Variants in XKR6 observed in about 807,000 individuals in gnomAD.
XKR6 encodes XK-related protein 6.
A neutral mutation model predicts 56.7 loss-of-function variants in XKR6; 22 were observed. That is an observed-to-expected ratio of 0.39 (90% CI 0.28 to 0.55). The LOEUF is 0.55. Among genes scored for constraint, XKR6 ranks in the 20% least tolerant of loss-of-function variants. The pLI, the probability that XKR6 is intolerant of heterozygous loss-of-function variation, is 0.66. For missense variants in XKR6, 852 were observed against 889.0 expected (o/e 0.96, Z 0.53); for synonymous variants, 524 against 387.8 (o/e 1.35, Z -4.13).
intron 2 of XKR6, among the ~76,000 whole-genome samples, chr8:10,923,251 C>T (rs1381631380): frequency 6.6e-6 from 1 of 152,226 alleles, no homozygotes; most frequent in Non-Finnish European, 1.5e-5. Context: ...GTGTCCATTC[C>T]AAGGGTCACA....
intron 1 of XKR6, among the ~76,000 whole-genome samples, chr8:11,071,658 G>T (rs1239708288): frequency 1.3e-5 from 2 of 151,242 alleles, no homozygotes; most frequent in Non-Finnish European, 2.9e-5. Flanking sequence ...TGAGCCCCGA[G>T]TCTATGAGCC....
chr8:11,099,153 G>A (rs902962462), intron 1 of XKR6, among the ~76,000 whole-genome samples: 4 of 152,050 alleles, frequency 2.6e-5, no homozygotes, highest in African/African-American at 7.2e-5. Context: ...TACAGCTCCC[G>A]CTCCACTGAA....
At chr8:10,913,097 G>A (rs1187894321) in intron 2 of XKR6, among the ~76,000 whole-genome samples, 1 of 151,206 alleles carries the variant, frequency 6.6e-6, no homozygotes, top group African/African-American at 2.4e-5. Context: ...TATATATAGA[G>A]AGAGAGTATA....
chr8:11,109,382 T>C (rs1798801645), intron 1 of XKR6: 1 of 152,230 alleles, frequency 6.6e-6, no homozygotes, highest in Non-Finnish European at 1.5e-5. Flanking sequence ...GCTAAGTTAA[T>C]CTTTGAGCCA....
chr8:11,103,628 A>G (rs1352657403), intron 1 of XKR6, among the ~76,000 whole-genome samples: 1 of 152,144 alleles, frequency 6.6e-6, no homozygotes, highest in Non-Finnish European at 1.5e-5. Context: ...AGTAAAGAAA[A>G]TCCTAATTCC....
chr8:11,150,717 G>A (rs1801229741), intron 1 of XKR6, among the ~76,000 whole-genome samples: 2 of 151,994 alleles, frequency 1.3e-5, no homozygotes, highest in Non-Finnish European at 2.9e-5. Context: ...GCTGGGTGTG[G>A]TGGCGGGCGC....
intron 1 of XKR6, among the ~76,000 whole-genome samples, chr8:11,141,079 C>T (rs905624752): frequency 8.6e-5 from 13 of 152,046 alleles, no homozygotes; most frequent in Admixed American, 4.6e-4. Context: ...AATGGTTACA[C>T]GCTAAGTCGA....
intron 1 of XKR6, among the ~76,000 whole-genome samples, chr8:11,041,481 G>C (rs139986358): frequency 6.6e-6 from 1 of 152,002 alleles, no homozygotes; most frequent in Non-Finnish European, 1.5e-5. Flanking sequence ...GCTTGAACCT[G>C]GGAGGCAGGG....
chr8:11,032,889 G>T (rs927100529), intron 1 of XKR6, among the ~76,000 whole-genome samples: 1 of 152,210 alleles, frequency 6.6e-6, no homozygotes, highest in Non-Finnish European at 1.5e-5. Flanking sequence ...GGCTTTGCTG[G>T]TGGTGGAGAT....
At chr8:10,995,169 T>C (rs1798081134) in intron 1 of XKR6, among the ~76,000 whole-genome samples, 1 of 151,984 alleles carries the variant, frequency 6.6e-6, no homozygotes, top group Admixed American at 6.6e-5. Flanking sequence ...TATCTATCAG[T>C]GTATGCCGGT....
At chr8:11,167,015 C>T (rs1802112260) in intron 1 of XKR6, among the ~76,000 whole-genome samples, 1 of 152,096 alleles carries the variant, frequency 6.6e-6, no homozygotes, top group Non-Finnish European at 1.5e-5. Flanking sequence ...TTGCCTGCAG[C>T]GTGTGTGGCG....
At chr8:11,176,694 G>C (rs911200573) in intron 1 of XKR6, among the ~76,000 whole-genome samples, 2 of 152,004 alleles carry the variant, frequency 1.3e-5, no homozygotes, top group Non-Finnish European at 2.9e-5. Context: ...CCACAGCCTC[G>C]AGGACTCTTA....
chr8:11,186,018 T>A (rs1337737028), intron 1 of XKR6, among the ~76,000 whole-genome samples: 1 of 152,224 alleles, frequency 6.6e-6, no homozygotes, highest in Non-Finnish European at 1.5e-5. Flanking sequence ...GGACTGTGCA[T>A]CAGAGGCCTT....
chr8:11,123,975 C>T (rs1424355657), intron 1 of XKR6: 1 of 456,186 alleles, frequency 2.2e-6, no homozygotes, highest in South Asian at 1.5e-5. Flanking sequence ...TGCTCAGAGG[C>T]ACTGCCGTGA....
chr8:10,995,350 CAT>C (rs780661074), intron 1 of XKR6, among the ~76,000 whole-genome samples: 5 of 147,974 alleles, frequency 3.4e-5, no homozygotes, highest in East Asian at 2.0e-4. Flanking sequence ...CCCTATATCA[CAT>C]ATATATATAT....
chr8:11,047,065 G>A (rs1242872947), intron 1 of XKR6, among the ~76,000 whole-genome samples: 3 of 152,110 alleles, frequency 2.0e-5, no homozygotes, highest in African/African-American at 7.2e-5. Context: ...AAGAGTTCTG[G>A]AGCTCTAACG....
intron 1 of XKR6, among the ~76,000 whole-genome samples, chr8:11,153,175 G>A (rs1413985005): frequency 6.6e-6 from 1 of 152,162 alleles, no homozygotes; most frequent in Admixed American, 6.5e-5. Context: ...CACCAAAGCA[G>A]AAGAAAAGCT....
intron 1 of XKR6, among the ~76,000 whole-genome samples, chr8:11,053,129 G>A (rs1455403955): frequency 2.0e-5 from 3 of 152,250 alleles, no homozygotes; most frequent in African/African-American, 7.2e-5. Context: ...TCTGAGCCCC[G>A]CAGACACTGC....
intron 1 of XKR6, among the ~76,000 whole-genome samples, chr8:11,082,323 C>G (rs1021985058): frequency 6.6e-6 from 1 of 152,104 alleles, no homozygotes; most frequent in Non-Finnish European, 1.5e-5. Flanking sequence ...CACTTTGCAC[C>G]CCGTTACGAA....
Sources: gnomAD v4.1 joint callset for allele counts (sites outside exome capture counted in the v4.1 genomes callset) on GRCh38, gnomAD v4.1.1 for gene constraint, MANE v1.5 for transcripts, NCBI Gene and HGNC (gene_info 2026-07-23, HGNC 2026-07-21) for gene names.